ADGRL3: variants seen among roughly 807,000 people sequenced by gnomAD.
ADGRL3 encodes the protein adhesion G protein-coupled receptor L3.
ADGRL3 carries 62 observed loss-of-function variants against 153.5 expected under a neutral mutation model. The observed-to-expected ratio is 0.40, with a 90% CI of 0.33 to 0.50. The LOEUF (loss-of-function observed/expected upper bound fraction) is 0.50, where lower values mean the gene tolerates loss of function less well. Among genes scored for constraint, ADGRL3 ranks in the 20% least tolerant of loss-of-function variants. ADGRL3 has a pLI of 0.47. For missense variants in ADGRL3, 1,641 were observed against 1,859.4 expected (o/e 0.88, Z 2.16); for synonymous variants, 710 against 672.5 (o/e 1.06, Z -0.86).
At chr4:61,633,196 G>A (rs574845969) in intron 5 of ADGRL3, among the ~76,000 whole-genome samples, 1 of 144,718 alleles carries the variant, frequency 6.9e-6, no homozygotes, top group Non-Finnish European at 1.5e-5. Flanking sequence ...TATTATTGAA[G>A]GTGTAACTTG....
chr4:61,654,326 A>G lies in ADGRL3; in HGVS notation c.474-22500A>G, dbSNP rs2094373950. Among the ~76,000 whole-genome samples, 7 of 152,154 alleles carry G rather than the reference A, an allele frequency of 4.6e-5. No homozygotes were observed. The South Asian group carries it at 1.5e-3, about 32-fold the overall frequency. On this transcript the variant is annotated intron_variant, in intron 5 of 26. Transcript: ENST00000683033. ...AACATTAAAAATTTTACAAAACTCT[A>G]TATCAAATTTGGATATGCGTACAAA...
At chr4:61,821,498 G>T (rs2097756141) in intron 9 of ADGRL3, among the ~76,000 whole-genome samples, 1 of 151,896 alleles carries the variant, frequency 6.6e-6, no homozygotes, top group African/African-American at 2.4e-5. Context: ...GAGTAGCTGG[G>T]ATTACAGGCA....
chr4:61,368,566 C>G (rs1407279464), intron 1 of ADGRL3, among the ~76,000 whole-genome samples: 3 of 151,750 alleles, frequency 2.0e-5, no homozygotes, highest in Admixed American at 6.6e-5. Context: ...TCTGAGGGCT[C>G]TGTTCTGTTC....
intron 4 of ADGRL3, among the ~76,000 whole-genome samples, chr4:61,573,832 A>G (rs535750103): frequency 2.0e-5 from 3 of 152,156 alleles, no homozygotes; most frequent in South Asian, 2.1e-4. Flanking sequence ...CAGAGAAAGC[A>G]TAGTGACTGT....
In ADGRL3 at chr4:62,070,509, C is replaced by G. The variant is rs1460643177; in HGVS notation, c.4233C>G (p.Thr1411=). Residue 1411 remains threonine (T), a synonymous_variant, in exon 27 of 27, where the codon ACC becomes ACG. Coordinates refer to ENST00000683033, the MANE Select transcript of ADGRL3 (RefSeq NM_001387552.1). ...APLLPPRVYS[T]ENHQPHHYTR... ...TGCTGCCCCCAAGAGTATACTCCAC[C>G]GAGAACCACCAGCCACACCATTATA... 1 of 1,551,218 alleles carries G rather than the reference C, an allele frequency of 6.4e-7. No homozygotes were observed. Among genetic ancestry groups the G allele is most frequent in the African/African-American group, 1.4e-5 (1 of 72,972 alleles).
chr4:61,463,292 G>A (rs2097845046), intron 2 of ADGRL3, among the ~76,000 whole-genome samples: 1 of 152,194 alleles, frequency 6.6e-6, no homozygotes, highest in Non-Finnish European at 1.5e-5. Flanking sequence ...GAGTTTAGTT[G>A]ACTCACAGTT....
At chr4:61,682,536 C>A (rs917108933) in intron 6 of ADGRL3, among the ~76,000 whole-genome samples, 1 of 150,594 alleles carries the variant, frequency 6.6e-6, no homozygotes, top group African/African-American at 2.4e-5. Context: ...GCATACATAG[C>A]TGGAGTTACT....
chr4:62,048,934 A>G (rs1732651713), intron 25 of ADGRL3, among the ~76,000 whole-genome samples: 1 of 152,086 alleles, frequency 6.6e-6, no homozygotes, highest in South Asian at 2.1e-4. Flanking sequence ...TTCCTCTGAC[A>G]GTGGCATGAA....
At chr4:61,732,363 T>G (rs569993010) in intron 7 of ADGRL3, among the ~76,000 whole-genome samples, 2 of 152,288 alleles carry the variant, frequency 1.3e-5, no homozygotes, top group Non-Finnish European at 2.9e-5. Flanking sequence ...AAACAATATT[T>G]TTGTTTCAAA....
chr4:61,573,972 A>C (rs1353220016), intron 4 of ADGRL3, among the ~76,000 whole-genome samples: 1 of 152,072 alleles, frequency 6.6e-6, no homozygotes, highest in African/African-American at 2.4e-5. Context: ...GTGTATAGAC[A>C]ATAAAAATGA....
chr4:61,672,145 G>T (rs1201469365), intron 5 of ADGRL3, among the ~76,000 whole-genome samples: 1 of 151,974 alleles, frequency 6.6e-6, no homozygotes, highest in African/African-American at 2.4e-5. Flanking sequence ...ATTTTAAGAA[G>T]GTTTTTACCT....
At chr4:62,068,310 A>G (rs1744060762) in intron 26 of ADGRL3, 127 bp downstream of exon 26, 2 of 734,964 alleles carry the variant, frequency 2.7e-6, no homozygotes, top group Non-Finnish European at 4.2e-6. Flanking sequence ...TAAAAAGCCT[A>G]TGAATCGACT....
At chr4:62,007,383 TAC>T (rs71269038) in intron 21 of ADGRL3, among the ~76,000 whole-genome samples, 2 of 30,760 alleles carry the variant, frequency 6.5e-5, no homozygotes, top group African/African-American at 1.3e-4. Context: ...TATATATATA[TAC>T]ACACACACAC....
chr4:61,534,545 G>A (rs932239906), intron 4 of ADGRL3, among the ~76,000 whole-genome samples: 1 of 151,994 alleles, frequency 6.6e-6, no homozygotes, highest in Admixed American at 6.6e-5. Context: ...TCATTTTAAT[G>A]ATAATTGACT....
intron 9 of ADGRL3, among the ~76,000 whole-genome samples, chr4:61,876,021 C>T (rs1488163875): frequency 7.4e-6 from 1 of 135,936 alleles, no homozygotes; most frequent in East Asian, 2.0e-4. Context: ...AACCCTGTCT[C>T]TAAAAAAAAA....
chr4:61,897,378 G>A (rs1225414618), intron 11 of ADGRL3, among the ~76,000 whole-genome samples: 1 of 152,132 alleles, frequency 6.6e-6, no homozygotes, highest in Non-Finnish European at 1.5e-5. Flanking sequence ...TTCTGAATCA[G>A]CTTATGTAAC....
rs930358115 is a variant in ADGRL3 at position 61,829,916 on chromosome 4, C to T, written c.1480+16027C>T. 3.4e-4 allele frequency among the ~76,000 whole-genome samples: 51 copies of T among 152,150 alleles called. 1 individual carries two copies. Among genetic ancestry groups the T allele is most frequent in the African/African-American group, 1.1e-3 (47 of 41,506 alleles). On this transcript the variant is annotated intron_variant, in intron 9 of 26. Transcript: ENST00000683033. ...ACATGGTGGTTCATGCCTATAATCT[C>T]AGCACTTTGGGAGGCCATGGCAGGA...
chr4:61,878,072 C>G (rs532609315), intron 9 of ADGRL3, among the ~76,000 whole-genome samples: 1 of 152,074 alleles, frequency 6.6e-6, no homozygotes, highest in Non-Finnish European at 1.5e-5. Flanking sequence ...TCAGTTTGAC[C>G]AATTTGGTAT....
intron 2 of ADGRL3, among the ~76,000 whole-genome samples, chr4:61,473,868 G>A (rs899394364): frequency 2.6e-5 from 4 of 152,074 alleles, no homozygotes; most frequent in African/African-American, 4.8e-5. Context: ...CTAGTTGATG[G>A]AGACAAGAAG....
Sources: allele counts gnomAD v4.1 joint callset (sites outside exome capture counted in the v4.1 genomes callset), GRCh38; gene constraint gnomAD v4.1.1; transcripts MANE v1.5; gene names NCBI Gene and HGNC (gene_info 2026-07-23, HGNC 2026-07-21).